Variants in THUMPD3 observed in about 807,000 individuals in gnomAD.
THUMPD3 encodes tRNA (guanine(6)-N(2))-methyltransferase THUMP3.
THUMPD3 carries 44 observed loss-of-function variants against 54.5 expected under a neutral mutation model. The observed-to-expected ratio is 0.81, with a 90% CI of 0.63 to 1.04. The LOEUF is 1.04. Among genes scored for constraint, THUMPD3 ranks in the 50% least tolerant of loss-of-function variants. The probability of loss-of-function intolerance (pLI) is 0.00; values close to 1 mark genes in which losing one functional copy is unlikely to be tolerated. For synonymous variants in THUMPD3, 196 were observed against 201.4 expected (o/e 0.97, Z 0.23); for missense variants, 604 against 601.3 (o/e 1.00, Z -0.05).
At chr3:9,364,781 C>G (rs995924509) in intron 1 of THUMPD3, among the ~76,000 whole-genome samples, 1 of 152,230 alleles carries the variant, frequency 6.6e-6, no homozygotes, top group Non-Finnish European at 1.5e-5. Context: ...ACATTGCATG[C>G]TATGGAAATA....
chr3:9,369,403 T>C (rs932095874), intron 3 of THUMPD3, among the ~76,000 whole-genome samples: 2 of 151,998 alleles, frequency 1.3e-5, no homozygotes, highest in African/African-American at 4.8e-5. Context: ...ATATATACGT[T>C]ATACGTATAG....
At chr3:9,372,299 G>A (rs1377742222) in intron 4 of THUMPD3, among the ~76,000 whole-genome samples, 1 of 152,200 alleles carries the variant, frequency 6.6e-6, no homozygotes, top group Non-Finnish European at 1.5e-5. Flanking sequence ...AATAAGGCTG[G>A]GCGCAGTGGC....
chr3:9,375,149 G>A (rs548818422), intron 5 of THUMPD3, among the ~76,000 whole-genome samples: 3 of 152,242 alleles, frequency 2.0e-5, no homozygotes, highest in African/African-American at 4.8e-5. Flanking sequence ...AAGCCACCGC[G>A]CCCGGTTTTC....
chr3:9,386,764 GAAAT>G lies in THUMPD3; in HGVS notation c.*2081_*2084del, dbSNP rs571203047. Reference sequence around the variant, plus strand: ...GACTAAAAGAATGTGAAAAGATGGGGAAATAAATCTGTAATCTGAACATGGAATG... The same window carrying G: ...GACTAAAAGAATGTGAAAAGATGGGGAAATCTGTAATCTGAACATGGAATG... On this transcript the variant is annotated 3_prime_UTR_variant, in exon 10 of 10. Transcript: ENST00000452837. The G allele has an allele frequency of 6.6e-6, 1 of 152,098 alleles. No individual in the cohort carries two copies. The highest frequency in any genetic ancestry group is 6.6e-5 in the Admixed American group (1 of 15,260). 9.4% of individuals were successfully genotyped at this position (152,098 alleles called of 1,614,324 possible). A position where few individuals can be genotyped will look rare whatever the true frequency, so the allele number is the denominator to read the frequency against.
At chr3:9,381,734 T>G (rs2032915282) in intron 7 of THUMPD3, among the ~76,000 whole-genome samples, 1 of 148,388 alleles carries the variant, frequency 6.7e-6, no homozygotes, top group Admixed American at 6.7e-5. Context: ...TGTTTGTACC[T>G]ACACTGTCTG....
At position 9,365,826 on chromosome 3, in the gene THUMPD3, G is replaced by A. The variant is rs562808024; in HGVS notation, c.252+506G>A. On this transcript the variant is annotated intron_variant, in intron 2 of 9. Coordinates refer to ENST00000452837, the MANE Select transcript of THUMPD3 (RefSeq NM_001114092.2). ...AGGCTGGTCTCGAACTCCTAACCCC[G>A]TGATCCACCCGCCTCGACCTCCCAA... Among the ~76,000 whole-genome samples the A allele has an allele frequency of 4.7e-4, 71 of 152,172 alleles. 1 individual carries two copies. In the South Asian group the frequency reaches 0.014, roughly 31 times the overall value.
At chr3:9,368,891 T>A (rs529349330) in intron 3 of THUMPD3, among the ~76,000 whole-genome samples, 1 of 152,336 alleles carries the variant, frequency 6.6e-6, no homozygotes, top group African/African-American at 2.4e-5. Context: ...TGTATTTTAT[T>A]TACACAAATG....
rs2033353026 is a variant in THUMPD3 at position 9,386,701 on chromosome 3, G to A, written c.*2013G>A. On this transcript the variant is annotated 3_prime_UTR_variant, in exon 10 of 10. Coordinates refer to ENST00000452837, the MANE Select transcript of THUMPD3 (RefSeq NM_001114092.2). ...TATGTGACACTGCCACCTATTCATT[G>A]TGTGACCTTGGTTTTAACCTTCAAA... 6.6e-6 allele frequency: 1 copy of A among 152,078 alleles called. No individual in the cohort carries two copies. Among genetic ancestry groups the A allele is most frequent in the South Asian group, 2.1e-4 (1 of 4,828 alleles). The allele number at this position is 152,078 out of a possible 1,614,324, so 9.4% of individuals were successfully genotyped here.
intron 4 of THUMPD3, among the ~76,000 whole-genome samples, chr3:9,373,417 C>T (rs1327545266): frequency 6.6e-6 from 1 of 152,066 alleles, no homozygotes. Flanking sequence ...ATTGCTTGAG[C>T]CCAGGAAGTC....
intron 4 of THUMPD3, 23 bp from the exon 5 acceptor site, chr3:9,374,493 T>G (rs2032308279): frequency 6.2e-7 from 1 of 1,610,928 alleles, no homozygotes; most frequent in Non-Finnish European, 8.5e-7. Flanking sequence ...AAAACTATTT[T>G]GTCTTGTTCC....
chr3:9,363,806 C>CTTTTT (rs56359034), intron 1 of THUMPD3: 1 of 88,920 alleles, frequency 1.1e-5, no homozygotes, highest in Non-Finnish European at 2.2e-5. Flanking sequence ...TTAATTTTTT[C>CTTTTT]TTTTTTTTTT....
rs182169752 is a variant in THUMPD3, at chr3:9,374,665, C to T, written c.938+19C>T. 1,943 of 1,612,276 alleles carry T rather than the reference C, an allele frequency of 1.2e-3. 3 individuals are homozygous for T. The highest frequency in any genetic ancestry group is 1.3e-3 in the Non-Finnish European group (1,547 of 1,179,184). ...TGCTCAGGTAAGAAAATGAGTTTGC[C>T]ATCCAGCTTAAAGTGGCACCTTGGT... On this transcript the variant is annotated intron_variant, in intron 5 of 9. Coordinates refer to ENST00000452837, the MANE Select transcript of THUMPD3 (RefSeq NM_001114092.2).
chr3:9,379,700 AT>A (rs772063219), intron 6 of THUMPD3, among the ~76,000 whole-genome samples: 13 of 152,090 alleles, frequency 8.5e-5, no homozygotes, highest in Non-Finnish European at 1.8e-4. Flanking sequence ...GCATTTTACT[AT>A]TATTTTTTTG....
At position 9,384,288 on chromosome 3, in the gene THUMPD3, A is replaced by G. The variant is rs1191367079; in HGVS notation, c.1312A>G (p.Thr438Ala). The stretch of plus-strand genomic sequence containing the variant: ...GATGAGCCGTGTCTGCACACCTACC[A>G]CAGGCCGAGCTGTACTACTTACTCA... ...REMSRVCTPTTGRAVLLTQDT... is the reference protein window; with the variant it reads ...REMSRVCTPTAGRAVLLTQDT... Residue 438 changes from threonine (T) to alanine (A), a missense_variant, in exon 9 of 10, where the codon ACA (threonine) becomes GCA (alanine). Physicochemically the swap from Thr to Ala is moderately conservative, Grantham distance 58. Transcript: ENST00000452837. 5 of 1,614,094 alleles carry G rather than the reference A, an allele frequency of 3.1e-6. No individual in the cohort carries two copies. The highest frequency in any genetic ancestry group is 3.4e-6 in the Non-Finnish European group (4 of 1,180,032).
Position 9,365,773 on chromosome 3 carries a change from G to A in THUMPD3, c.252+453G>A, listed in dbSNP as rs147868662. 4.1e-4 allele frequency among the ~76,000 whole-genome samples: 63 copies of A among 152,070 alleles called. 1 individual carries two copies. The East Asian group carries it at 0.012, about 29-fold the overall frequency. ...CATCTGGCTAATTTTTGTATATTTA[G>A]TAGAAACGGGGTTTCACCATCCTGG... On this transcript the variant is annotated intron_variant, in intron 2 of 9. Transcript: ENST00000452837.
rs762024095 is a variant in THUMPD3, at chr3:9,386,058, G to T, written c.*1370G>T. On this transcript the variant is annotated 3_prime_UTR_variant, in exon 10 of 10. Transcript: ENST00000452837. Reference sequence around the variant, plus strand: ...AATAGTACTCCTCTTAATACTTTCTGATGTCTCCATTGAGAATAAAAGGAC... The same window carrying T: ...AATAGTACTCCTCTTAATACTTTCTTATGTCTCCATTGAGAATAAAAGGAC... The T allele has an allele frequency of 1.3e-5, 2 of 152,140 alleles. No individual in the cohort carries two copies. The highest frequency in any genetic ancestry group is 2.4e-5 in the African/African-American group (1 of 41,412). 9.4% of individuals were successfully genotyped at this position (152,140 alleles called of 1,614,324 possible).
chr3:9,369,093 T>C (rs570716178), intron 3 of THUMPD3, among the ~76,000 whole-genome samples: 1 of 151,996 alleles, frequency 6.6e-6, no homozygotes, highest in South Asian at 2.1e-4. Context: ...AGGTGAATCA[T>C]GAGGTCAGGA....
chr3:9,383,623 G>T (rs1017521713), intron 8 of THUMPD3, among the ~76,000 whole-genome samples: 1 of 151,160 alleles, frequency 6.6e-6, no homozygotes, highest in African/African-American at 2.4e-5. Context: ...CAGCATAAAT[G>T]ATTCTTTTTT....
At position 9,385,796 on chromosome 3, in the gene THUMPD3, A is replaced by G. The variant is rs2033290599; in HGVS notation, c.*1108A>G. On this transcript the variant is annotated 3_prime_UTR_variant, in exon 10 of 10. Transcript: ENST00000452837. ...AAGGCCAAGAGAAAAAAAATGATAT[A>G]TCTTTGGAAAACTTTTAATTTGGGA... 6.6e-6 allele frequency: 1 copy of G among 152,208 alleles called. No homozygotes were observed. The highest frequency in any genetic ancestry group is 2.4e-5 in the African/African-American group (1 of 41,448). 9.4% of individuals were successfully genotyped at this position (152,208 alleles called of 1,614,324 possible).
Sources: gnomAD v4.1 joint callset for allele counts (sites outside exome capture counted in the v4.1 genomes callset) on GRCh38, gnomAD v4.1.1 for gene constraint, MANE v1.5 for transcripts, NCBI Gene and HGNC (gene_info 2026-07-23, HGNC 2026-07-21) for gene names.